The following SERGEF variants were observed in gnomAD, a reference collection of about 807,000 sequenced individuals.
SERGEF encodes the protein secretion regulating guanine nucleotide exchange factor.
SERGEF carries 51 observed loss-of-function variants against 50.0 expected under a neutral mutation model. The ratio of observed to expected loss-of-function variants is 1.02; its 90% CI spans 0.81 to 1.29. The LOEUF (loss-of-function observed/expected upper bound fraction) is 1.29. SERGEF is among the 50% of genes most tolerant of loss of function. The pLI is 0.00. For missense variants in SERGEF, 521 were observed against 557.0 expected (o/e 0.94, Z 0.65); for synonymous variants, 205 against 212.4 (o/e 0.97, Z 0.30).
At position 17,991,307 on chromosome 11, in the gene SERGEF, A is replaced by G. The variant is rs1853707757; in HGVS notation, c.685+1624T>C. 1.3e-5 allele frequency among the ~76,000 whole-genome samples: 2 copies of G among 152,200 alleles called. No homozygotes were observed. Among genetic ancestry groups the G allele is most frequent in the South Asian group, 4.1e-4 (2 of 4,824 alleles). On this transcript the variant is annotated intron_variant, in intron 7 of 10. Coordinates refer to ENST00000265965, the MANE Select transcript of SERGEF (RefSeq NM_012139.4). This position sits in a 1 kb window ranked among gnomAD's most constrained non-coding sequence, Gnocchi z 4.9. The stretch of plus-strand genomic sequence containing the variant: ...ACACCATAATAAAAGTGCCCTACAT[A>G]TGAAATAACAAATTTACTACCAACA...
Position 17,991,183 on chromosome 11 carries a change from T to G in SERGEF, c.685+1748A>C, listed in dbSNP as rs962680718. ...ATTAAAAATTACTAAATTGTATACT[T>G]TAAATGAAACTTAAGTTCTTTGTAT... On this transcript the variant is annotated intron_variant, in intron 7 of 10. Coordinates refer to ENST00000265965, the MANE Select transcript of SERGEF (RefSeq NM_012139.4). The surrounding 1 kb of genome is among the most constrained non-coding windows in gnomAD (Gnocchi z 4.9). Among the ~76,000 whole-genome samples, 1 of 152,186 alleles carries G rather than the reference T, an allele frequency of 6.6e-6. No individual in the cohort carries two copies. The highest frequency in any genetic ancestry group is 6.5e-5 in the Admixed American group (1 of 15,284).
chr11:18,004,673 AT>A (rs1299392305), intron 3 of SERGEF, 138 bp from the exon 4 acceptor site: 2 of 642,512 alleles, frequency 3.1e-6, no homozygotes, highest in Non-Finnish European at 5.6e-6. Flanking sequence ...CCCTGCTTTT[AT>A]TCCTCTAGGA....
chr11:17,794,392 A>G (rs578244846), intron 10 of SERGEF, among the ~76,000 whole-genome samples: 1 of 152,282 alleles, frequency 6.6e-6, no homozygotes, highest in African/African-American at 2.4e-5. Context: ...TTTCATAAAA[A>G]TGTCACCTTA....
intron 10 of SERGEF, among the ~76,000 whole-genome samples, chr11:17,845,970 T>C (rs1393511968): frequency 6.6e-6 from 1 of 152,164 alleles, no homozygotes; most frequent in Non-Finnish European, 1.5e-5. Flanking sequence ...GTTGAGTGAA[T>C]GAATGAACAA....
chr11:17,835,254 T>C (rs1174001021), intron 10 of SERGEF, among the ~76,000 whole-genome samples: 1 of 152,184 alleles, frequency 6.6e-6, no homozygotes, highest in African/African-American at 2.4e-5. Context: ...TGATTTTCGT[T>C]GCCAATACCG....
intron 8 of SERGEF, among the ~76,000 whole-genome samples, chr11:17,975,985 T>C (rs1029786557): frequency 1.3e-5 from 2 of 152,130 alleles, no homozygotes; most frequent in Non-Finnish European, 2.9e-5. Context: ...AAGGGAGGAA[T>C]TGTGAATGAG....
rs150510300 is a variant in SERGEF at position 17,973,373 on chromosome 11, C to T, written c.845-13737G>A. On this transcript the variant is annotated intron_variant, in intron 8 of 10. Coordinates refer to ENST00000265965, the MANE Select transcript of SERGEF (RefSeq NM_012139.4). ...CCACTGTTATGTTAGAAAGCCAGGA[C>T]CCCACCTCTGAAACCCCAAGACATC... is the stretch of plus-strand genomic sequence containing the variant. 2.7e-3 allele frequency among the ~76,000 whole-genome samples: 415 copies of T among 152,300 alleles called. 3 individuals carry two copies. Among genetic ancestry groups the T allele is most frequent in the African/African-American group, 9.3e-3 (386 of 41,560 alleles).
chr11:17,930,176 C>A (rs930545054), intron 9 of SERGEF, among the ~76,000 whole-genome samples: 5 of 152,192 alleles, frequency 3.3e-5, no homozygotes, highest in African/African-American at 1.2e-4. Context: ...GAAACACAGA[C>A]AAAACTTCAT....
intron 8 of SERGEF, among the ~76,000 whole-genome samples, chr11:17,977,198 C>T (rs1464349664): frequency 2.6e-5 from 4 of 152,182 alleles, no homozygotes; most frequent in South Asian, 2.1e-4. Context: ...GGCTCACATT[C>T]GGTTAGGAGA....
chr11:17,900,280 T>C (rs181658223), intron 9 of SERGEF, among the ~76,000 whole-genome samples: 3 of 152,296 alleles, frequency 2.0e-5, no homozygotes, highest in African/African-American at 7.2e-5. Context: ...AAGAATAACA[T>C]AGTTGCCATT....
intron 8 of SERGEF, among the ~76,000 whole-genome samples, chr11:17,967,405 G>C (rs1388910751): frequency 6.6e-6 from 1 of 152,224 alleles, no homozygotes; most frequent in Non-Finnish European, 1.5e-5. Context: ...TGGAGGCACA[G>C]AGAGAGCCCA....
intron 10 of SERGEF, among the ~76,000 whole-genome samples, chr11:17,857,769 G>A (rs1850849360): frequency 6.6e-6 from 1 of 152,172 alleles, no homozygotes; most frequent in Non-Finnish European, 1.5e-5. Flanking sequence ...GCCACTGTGG[G>A]ACCACTTTCT....
At position 17,884,486 on chromosome 11, in the gene SERGEF, A is replaced by G. The variant is rs1330954455; in HGVS notation, c.1012-6242T>C. On this transcript the variant is annotated intron_variant, in intron 9 of 10. Transcript: ENST00000265965. This position sits in a 1 kb window ranked among gnomAD's most constrained non-coding sequence, Gnocchi z 4.6. ...TCCGTGTATCTCTGGGGTGACAACC[A>G]GAATTTCCAAACTATTAGAAACGCA... 6.6e-6 allele frequency among the ~76,000 whole-genome samples: 1 copy of G among 152,164 alleles called. No individual in the cohort carries two copies. Among genetic ancestry groups the G allele is most frequent in the Non-Finnish European group, 1.5e-5 (1 of 68,026 alleles).
At position 17,888,480 on chromosome 11, in the gene SERGEF, C is replaced by G. The variant is rs536314376; in HGVS notation, c.1012-10236G>C. Among the ~76,000 whole-genome samples, 15 of 152,168 alleles carry G rather than the reference C, an allele frequency of 9.9e-5. No homozygotes were observed. The highest frequency in any genetic ancestry group is 1.8e-4 in the Non-Finnish European group (12 of 68,018). ...AAGTATTTTGTATATATTGTGGGAC[C>G]ATGCAAATGAGGAAATATATGAATG... is the stretch of plus-strand genomic sequence containing the variant. On this transcript the variant is annotated intron_variant, in intron 9 of 10. Transcript: ENST00000265965. This position sits in a 1 kb window ranked among gnomAD's most constrained non-coding sequence, Gnocchi z 4.1.
chr11:17,893,480 C>T (rs929586501), intron 9 of SERGEF, among the ~76,000 whole-genome samples: 2 of 152,176 alleles, frequency 1.3e-5, no homozygotes, highest in African/African-American at 2.4e-5. Context: ...CCCTTGATAT[C>T]CCCACTCTTT....
chr11:18,007,836 A>G (rs564883538), intron 2 of SERGEF, 105 bp downstream of exon 2: 399 of 1,197,820 alleles, frequency 3.3e-4, no homozygotes, highest in Non-Finnish European at 4.2e-4. Context: ...AAAATACATT[A>G]TTTTCCTCTG....
intron 1 of SERGEF, chr11:18,010,045 G>A (rs1854164444): frequency 4.1e-6 from 4 of 985,252 alleles, no homozygotes; most frequent in Non-Finnish European, 5.5e-6. Flanking sequence ...TAAGATTTCA[G>A]AAATCTTTAT....
chr11:17,855,940 AC>A (rs901109050), intron 10 of SERGEF: 26 of 152,144 alleles, frequency 1.7e-4, no homozygotes, highest in African/African-American at 6.3e-4. Flanking sequence ...TCCAGCACCA[AC>A]CCACTTTAAT....
intron 9 of SERGEF, among the ~76,000 whole-genome samples, chr11:17,906,462 G>A (rs1851842234): frequency 6.6e-6 from 1 of 152,082 alleles, no homozygotes. Flanking sequence ...AATGGCCACA[G>A]GAACAATCAC....
Sources: allele counts gnomAD v4.1 joint callset (sites outside exome capture counted in the v4.1 genomes callset), GRCh38; gene constraint gnomAD v4.1.1; non-coding constraint Gnocchi (gnomAD v3.1); transcripts MANE v1.5; gene names NCBI Gene and HGNC (gene_info 2026-07-23, HGNC 2026-07-21).